RMND1: variants seen among roughly 807,000 people sequenced by gnomAD.
The protein encoded by RMND1 is required for meiotic nuclear division protein 1 homolog.
RMND1 carries 41 observed loss-of-function variants against 54.0 expected under a neutral mutation model. The observed-to-expected ratio is 0.76, with a 90% CI of 0.59 to 0.98. The LOEUF (loss-of-function observed/expected upper bound fraction) is 0.98, where lower values mean the gene tolerates loss of function less well. RMND1 is among the 50% of genes least tolerant of loss of function. The pLI is 0.00. For synonymous variants in RMND1, 183 were observed against 181.7 expected, an observed-to-expected ratio of 1.01 and a Z score of -0.06; for missense variants, 457 against 532.0, an observed-to-expected ratio of 0.86 and a Z score of 1.39.
At position 151,450,413 on chromosome 6, in the gene RMND1, C is replaced by T. The variant is rs563246592; in HGVS notation, c.-15+1603G>A. 4.3e-3 allele frequency among the ~76,000 whole-genome samples: 518 copies of T among 121,618 alleles called. 2 individuals are homozygous for T. The highest frequency in any genetic ancestry group is 6.9e-3 in the Non-Finnish European group (373 of 54,090). The allele number at this position is 121,618 out of a possible 152,430, so 79.8% of individuals were successfully genotyped here. A position where few individuals can be genotyped will look rare whatever the true frequency, so the allele number is the denominator to read the frequency against. ...CATCCGGGAGGGAGGTGGGGGTCAG[C>T]CCCCCGCCCGGCCAGCCACCCCGTC... On this transcript the variant is annotated intron_variant, in intron 1 of 11. Coordinates refer to ENST00000444024, the MANE Select transcript of RMND1 (RefSeq NM_017909.4).
intron 1 of RMND1, among the ~76,000 whole-genome samples, chr6:151,450,501 C>T (rs1176434996): frequency 6.0e-5 from 8 of 133,492 alleles, no homozygotes; most frequent in African/African-American, 1.5e-4. Flanking sequence ...GCCCCCCGCC[C>T]GGCCAGCCGC....
chr6:151,410,095 C>T (rs1423908895), intron 10 of RMND1, among the ~76,000 whole-genome samples: 1 of 150,248 alleles, frequency 6.7e-6, no homozygotes, highest in Non-Finnish European at 1.5e-5. Flanking sequence ...TGCTCTGTCA[C>T]CCAGGCTGGA....
chr6:151,448,345 C>T (rs1328399622), intron 1 of RMND1, among the ~76,000 whole-genome samples: 1 of 152,122 alleles, frequency 6.6e-6, no homozygotes, highest in Non-Finnish European at 1.5e-5. Context: ...ATGATCCAAC[C>T]ACCTTTTCAC....
chr6:151,421,055 T>C, intron 9 of RMND1, 190 bp downstream of exon 9: 1 of 484,936 alleles, frequency 2.1e-6, no homozygotes, highest in East Asian at 3.3e-5. Flanking sequence ...GTGATTTCTT[T>C]CAGTACAGTC....
Position 151,445,486 on chromosome 6 carries a change from T to C in RMND1, c.326A>G (p.His109Arg), listed in dbSNP as rs1780928096. The change falls in exon 2 of 12, where the codon CAC becomes CGC. Residue 109 changes from histidine to arginine, a missense_variant. By Grantham distance (29) the His-to-Arg change is conservative (BLOSUM62 0). Transcript: ENST00000444024. ...KSFGTHRRVT[H>R]KPNLLGSKWF... is the part of the protein sequence containing the mutation. ...TTTAGAACCCAACAGATTTGGTTTG[T>C]GGGTCACTCTCCTGTGAGTACCAAA... 1 of 1,614,126 alleles carries C rather than the reference T, an allele frequency of 6.2e-7. No homozygotes were observed. Among genetic ancestry groups the C allele is most frequent in the African/African-American group, 1.3e-5 (1 of 74,944 alleles).
chr6:151,419,717 T>A (rs6899783), intron 9 of RMND1, among the ~76,000 whole-genome samples: 33,663 of 142,858 alleles, frequency 0.24, 6,042 homozygotes, highest in African/African-American at 0.52. Context: ...TGTTCACGAT[T>A]AAAAAAAAAA....
chr6:151,446,539 C>T (rs776591276), intron 1 of RMND1, among the ~76,000 whole-genome samples: 9 of 152,098 alleles, frequency 5.9e-5, no homozygotes, highest in Non-Finnish European at 1.2e-4. Context: ...CAGATACACA[C>T]ATGAACATTC....
At chr6:151,427,716 C>A in intron 5 of RMND1, 134 bp from the exon 6 acceptor site, 1 of 575,210 alleles carries the variant, frequency 1.7e-6, no homozygotes, top group South Asian at 2.2e-5. Flanking sequence ...AAGGAAAAGG[C>A]AAATCAAATC....
chr6:151,415,305 ATCCATT>A (rs1276289769), intron 10 of RMND1, among the ~76,000 whole-genome samples: 1 of 151,886 alleles, frequency 6.6e-6, no homozygotes, highest in Non-Finnish European at 1.5e-5. Flanking sequence ...GCATCCAATC[ATCCATT>A]AGGGAAATAA....
intron 4 of RMND1, among the ~76,000 whole-genome samples, chr6:151,432,780 A>C (rs891611330): frequency 2.6e-5 from 4 of 152,076 alleles, no homozygotes; most frequent in African/African-American, 7.2e-5. Context: ...AAAAAAAGAA[A>C]ATGGCAAGAA....
intron 9 of RMND1, among the ~76,000 whole-genome samples, chr6:151,420,531 GAAT>G (rs1204902453): frequency 6.6e-6 from 1 of 152,082 alleles, no homozygotes; most frequent in Admixed American, 6.6e-5. Context: ...ACAACTACAA[GAAT>G]AATAAAAGCT....
chr6:151,445,768 A>C lies in RMND1; in HGVS notation c.44T>G (p.Ile15Arg). Residue 15 changes from isoleucine to arginine, a missense_variant, in exon 2 of 12, where the codon ATA (isoleucine) becomes AGA (arginine). Transcript: ENST00000444024. The stretch of plus-strand genomic sequence containing the variant: ...TCGGCACTGATGTGCTTTTGATAAT[A>C]TATGATGAGATCTGGCCACGGCTCT... ...LLRAVARSHH[I>R]LSKAHQCRRI... 2 of 1,613,400 alleles carry C rather than the reference A, an allele frequency of 1.2e-6. No homozygotes were observed. The highest frequency in any genetic ancestry group is 2.2e-5 in the South Asian group (2 of 91,080).
At chr6:151,418,443 C>T (rs975796962) in intron 9 of RMND1, 4 of 151,956 alleles carry the variant, frequency 2.6e-5, no homozygotes, top group African/African-American at 9.7e-5. Flanking sequence ...TATGTCCACA[C>T]TTTTTTGTTT....
At chr6:151,433,257 A>G (rs759142981) in intron 3 of RMND1, 27 bp from the exon 4 acceptor site, 4 of 1,511,282 alleles carry the variant, frequency 2.6e-6, no homozygotes, top group Non-Finnish European at 3.7e-6. Context: ...ACGAACAAAA[A>G]AGCTATGTCA....
chr6:151,430,546 C>T (rs1780422064), intron 4 of RMND1, among the ~76,000 whole-genome samples: 1 of 152,136 alleles, frequency 6.6e-6, no homozygotes, highest in Non-Finnish European at 1.5e-5. Flanking sequence ...ATTAGGCAGA[C>T]TCTACTATGT....
intron 9 of RMND1, among the ~76,000 whole-genome samples, chr6:151,420,123 A>G (rs1780115603): frequency 6.6e-6 from 1 of 152,202 alleles, no homozygotes; most frequent in Admixed American, 6.5e-5. Flanking sequence ...AAACCTACGT[A>G]TATTTAGTCC....
At chr6:151,416,508 C>T (rs1424321290) in intron 10 of RMND1, 2 of 151,008 alleles carry the variant, frequency 1.3e-5, no homozygotes, top group African/African-American at 4.9e-5. Flanking sequence ...ACTGCAACCT[C>T]CACCTCCTGG....
intron 4 of RMND1, among the ~76,000 whole-genome samples, chr6:151,432,393 T>C (rs1320625232): frequency 6.6e-6 from 1 of 152,148 alleles, no homozygotes; most frequent in East Asian, 1.9e-4. Flanking sequence ...AAGGTAGGCA[T>C]TGAAAGGAAA....
intron 8 of RMND1, 69 bp downstream of exon 8, chr6:151,422,472 T>C (rs1266403444): frequency 2.6e-6 from 2 of 776,574 alleles, no homozygotes; most frequent in East Asian, 2.9e-5. Context: ...TATATTGTTA[T>C]ATTGGGAAAT....
Sources: gnomAD v4.1 joint callset for allele counts (sites outside exome capture counted in the v4.1 genomes callset) on GRCh38, gnomAD v4.1.1 for gene constraint, MANE v1.5 for transcripts, NCBI Gene and HGNC (gene_info 2026-07-23, HGNC 2026-07-21) for gene names.